Variants in CEP112 observed in about 807,000 individuals in gnomAD.
CEP112 encodes the protein centrosomal protein of 112 kDa.
CEP112 carries 127 observed loss-of-function variants against 153.0 expected under a neutral mutation model. That is an observed-to-expected ratio of 0.83 (90% CI 0.72 to 0.96). The LOEUF (loss-of-function observed/expected upper bound fraction) is 0.96, where lower values mean the gene tolerates loss of function less well. Among genes scored for constraint, CEP112 ranks in the 40% least tolerant of loss-of-function variants. The probability of loss-of-function intolerance (pLI) is 0.00; values close to 1 mark genes in which losing one functional copy is unlikely to be tolerated. For missense variants in CEP112, 1,089 were observed against 1,101.2 expected, an observed-to-expected ratio of 0.99 and a Z score of 0.16; for synonymous variants, 358 against 374.4, an observed-to-expected ratio of 0.96 and a Z score of 0.51.
intron 24 of CEP112, among the ~76,000 whole-genome samples, chr17:65,676,605 G>C (rs114178306): frequency 2.6e-5 from 4 of 152,084 alleles, no homozygotes; most frequent in Non-Finnish European, 5.9e-5. Context: ...ATTTTCATTC[G>C]GTTTGTTCAG....
At chr17:65,781,500 T>C (rs1384126134) in intron 21 of CEP112, among the ~76,000 whole-genome samples, 1 of 151,950 alleles carries the variant, frequency 6.6e-6, no homozygotes, top group Non-Finnish European at 1.5e-5. Context: ...GAAAAAAAAC[T>C]GTTATAAAAT....
chr17:66,118,527 G>A (rs1317878467), intron 6 of CEP112, among the ~76,000 whole-genome samples: 1 of 151,984 alleles, frequency 6.6e-6, no homozygotes, highest in East Asian at 1.9e-4. Context: ...AACTCATGGA[G>A]GTATAAAATA....
At chr17:66,131,734 A>G (rs1339096819) in intron 5 of CEP112, among the ~76,000 whole-genome samples, 1 of 151,394 alleles carries the variant, frequency 6.6e-6, no homozygotes, top group Admixed American at 6.6e-5. Context: ...GCGACAGAGC[A>G]AGACTCCATC....
intron 6 of CEP112, among the ~76,000 whole-genome samples, chr17:66,110,087 G>A (rs762139297): frequency 2.0e-4 from 30 of 152,218 alleles, no homozygotes; most frequent in Non-Finnish European, 3.8e-4. Context: ...GTGAACCCAG[G>A]AGGCGGAGCT....
intron 21 of CEP112, chr17:65,797,163 CA>C (rs1356997085): frequency 1.3e-5 from 2 of 152,242 alleles, no homozygotes; most frequent in African/African-American, 4.8e-5. Context: ...ATCAGTACCA[CA>C]GATTTCATAT....
intron 6 of CEP112, among the ~76,000 whole-genome samples, chr17:66,105,278 A>T (rs1459833179): frequency 1.6e-4 from 24 of 152,192 alleles, no homozygotes. Flanking sequence ...AAAAACCTAC[A>T]ACAAATGCAC....
intron 4 of CEP112, among the ~76,000 whole-genome samples, chr17:66,157,523 T>A (rs2071496624): frequency 6.6e-6 from 1 of 151,990 alleles, no homozygotes. Context: ...AATTCACACA[T>A]AACAATATTA....
At chr17:66,102,723 G>A (rs1038245586) in intron 6 of CEP112, among the ~76,000 whole-genome samples, 1 of 149,860 alleles carries the variant, frequency 6.7e-6, no homozygotes, top group African/African-American at 2.5e-5. Context: ...GCATGAACCT[G>A]GGAGGCAGAG....
At chr17:66,065,177 C>T (rs1158782087) in intron 10 of CEP112, among the ~76,000 whole-genome samples, 1 of 152,206 alleles carries the variant, frequency 6.6e-6, no homozygotes, top group Non-Finnish European at 1.5e-5. Context: ...CTCCCAGCGC[C>T]ATCATTCAGA....
chr17:65,696,853 C>G (rs921737059), intron 23 of CEP112, among the ~76,000 whole-genome samples: 2 of 152,094 alleles, frequency 1.3e-5, no homozygotes, highest in African/African-American at 2.4e-5. Context: ...ATGAGGTCAT[C>G]ATATCCTTTC....
rs2073178998 is a variant in CEP112 at position 66,191,978 on chromosome 17, T to C, written c.-9+19A>G. On this transcript the variant is annotated intron_variant, in intron 1 of 26. Coordinates refer to ENST00000535342, the MANE Select transcript of CEP112 (RefSeq NM_001199165.4). This position sits in a 1 kb window ranked among gnomAD's most constrained non-coding sequence, Gnocchi z 4.2. ...TGGTGGGAGGGGCGGGGGAAGGAAA[T>C]TCAGAAAAAAACGAGAACCTGGCAC... The C allele has an allele frequency of 1.3e-5, 2 of 152,176 alleles. No individual in the cohort carries two copies. The highest frequency in any genetic ancestry group is 1.8e-4 in the South Asian group (1 of 5,596). 9.4% of individuals were successfully genotyped at this position (152,176 alleles called of 1,614,324 possible). A position where few individuals can be genotyped will look rare whatever the true frequency, so the allele number is the denominator to read the frequency against.
chr17:65,704,052 G>C (rs956720435), intron 23 of CEP112, among the ~76,000 whole-genome samples: 3 of 152,190 alleles, frequency 2.0e-5, no homozygotes, highest in Non-Finnish European at 2.9e-5. Flanking sequence ...CCCTGGAGTA[G>C]AGTGGGCTCT....
At chr17:66,154,607 C>T (rs2071356286) in intron 4 of CEP112, among the ~76,000 whole-genome samples, 1 of 152,144 alleles carries the variant, frequency 6.6e-6, no homozygotes, top group African/African-American at 2.4e-5. Context: ...CCCTACCTCA[C>T]TTCATACATA....
intron 18 of CEP112, among the ~76,000 whole-genome samples, chr17:65,951,736 T>TCC (rs1491455034): frequency 2.9e-4 from 28 of 96,204 alleles, no homozygotes; most frequent in East Asian, 1.9e-3. Flanking sequence ...TGCTCTAATC[T>TCC]TCCCCCGCCC....
At chr17:65,784,273 A>C (rs1449523269) in intron 21 of CEP112, among the ~76,000 whole-genome samples, 1 of 152,244 alleles carries the variant, frequency 6.6e-6, no homozygotes, top group African/African-American at 2.4e-5. Context: ...AAGATATAAC[A>C]GAAGTGACTT....
In CEP112 at chr17:65,682,337, C is replaced by T. The variant is rs370348416; in HGVS notation, c.2697+6792G>A. ...CATCTTCACATTTACCCTCTTCTTT[C>T]TACCCCTTTTGACAATATCCAGCTC... On this transcript the variant is annotated intron_variant, in intron 24 of 26. Transcript: ENST00000535342. Among the ~76,000 whole-genome samples, 44 of 152,194 alleles carry T rather than the reference C, an allele frequency of 2.9e-4. No homozygotes were observed. In the South Asian group the frequency reaches 9.1e-3, roughly 32 times the overall value.
At chr17:65,728,788 G>A (rs535842707) in intron 23 of CEP112, among the ~76,000 whole-genome samples, 16 of 152,196 alleles carry the variant, frequency 1.1e-4, no homozygotes, top group Admixed American at 2.6e-4. Flanking sequence ...TGGAGCTTGC[G>A]GGACTGGAAG....
chr17:65,654,230 T>C (rs1435289311), intron 24 of CEP112, among the ~76,000 whole-genome samples: 1 of 152,146 alleles, frequency 6.6e-6, no homozygotes, highest in Non-Finnish European at 1.5e-5. Flanking sequence ...AAAAATCCGT[T>C]TTAAGAAAGG....
chr17:66,183,263 G>C lies in CEP112; in HGVS notation c.37C>G (p.Leu13Val). The change falls in exon 2 of 27, where the codon CTG becomes GTG. Residue 13 changes from leucine (L) to valine (V), a missense_variant. Transcript: ENST00000535342. ...VGSEEEKWEK[L>V]DAEFDHFVVD... ...ACAAAGTGATCAAATTCTGCATCCA[G>C]CTTCTCCCATTTTTCTTCTTCACTT... is the stretch of plus-strand genomic sequence containing the variant. The C allele has an allele frequency of 6.2e-7, 1 of 1,612,426 alleles. No homozygotes were observed. Among genetic ancestry groups the C allele is most frequent in the Non-Finnish European group, 8.5e-7 (1 of 1,179,304 alleles).
Sources: gnomAD v4.1 joint callset for allele counts (sites outside exome capture counted in the v4.1 genomes callset) on GRCh38, gnomAD v4.1.1 for gene constraint, Gnocchi (gnomAD v3.1) non-coding constraint, MANE v1.5 for transcripts, NCBI Gene and HGNC (gene_info 2026-07-23, HGNC 2026-07-21) for gene names.